The following PTPRT variants were observed in gnomAD, a reference collection of about 807,000 sequenced individuals.
PTPRT encodes protein tyrosine phosphatase receptor type T.
PTPRT carries 56 observed loss-of-function variants against 176.8 expected under a neutral mutation model. That is an observed-to-expected ratio of 0.32 (90% confidence interval 0.26 to 0.40). The LOEUF (loss-of-function observed/expected upper bound fraction) is 0.40. PTPRT is among the 10% of genes least tolerant of loss of function. The pLI is 1.00. For missense variants in PTPRT, 1,540 were observed against 1,908.2 expected, an observed-to-expected ratio of 0.81 and a Z score of 3.60; for synonymous variants, 783 against 739.0, an observed-to-expected ratio of 1.06 and a Z score of -0.96.
At chr20:42,382,524 A>G (rs779983809) in intron 9 of PTPRT, among the ~76,000 whole-genome samples, 16 of 152,158 alleles carry the variant, frequency 1.1e-4, no homozygotes, top group Non-Finnish European at 1.8e-4. Context: ...ACTGAGACAT[A>G]AGGGATGAAT....
chr20:42,596,507 AC>A (rs2073673653), intron 7 of PTPRT, among the ~76,000 whole-genome samples: 1 of 152,198 alleles, frequency 6.6e-6, no homozygotes, highest in African/African-American at 2.4e-5. Flanking sequence ...CTCACCAAAT[AC>A]CATAAACAAT....
intron 23 of PTPRT, among the ~76,000 whole-genome samples, chr20:42,108,401 T>A (rs1986681235): frequency 1.3e-5 from 2 of 151,332 alleles, no homozygotes; most frequent in Non-Finnish European, 2.9e-5. Flanking sequence ...TAAAATGATG[T>A]TGATAATAAT....
At position 42,976,434 on chromosome 20, in the gene PTPRT, C is replaced by A. The variant is rs1600614018; in HGVS notation, c.89-90502G>T. ...TTTTTTTTTTTTATTGAGACAGAGTCTCGCTCTGTCGCCCAGGCTCAAGTG... is the reference window on the plus strand; with the variant it reads ...TTTTTTTTTTTTATTGAGACAGAGTATCGCTCTGTCGCCCAGGCTCAAGTG... On this transcript the variant is annotated intron_variant, in intron 1 of 30. Coordinates refer to ENST00000373187, the MANE Select transcript of PTPRT (RefSeq NM_007050.6). Among the ~76,000 whole-genome samples the A allele has an allele frequency of 3.3e-5, 5 of 151,322 alleles. No homozygotes were observed. The Middle Eastern group carries it at 0.017, about 518-fold the overall frequency.
rs1052096658 is a variant in PTPRT, at chr20:42,212,309, A to G, written c.2343-12921T>C. ...CCCTAAAACTTAAAGTATAAAAAAA[A>G]AAAAAAGACAAAAAAAAAAAAAGAG... is the stretch of plus-strand genomic sequence containing the variant. On this transcript the variant is annotated intron_variant, in intron 15 of 30. Coordinates refer to ENST00000373187, the MANE Select transcript of PTPRT (RefSeq NM_007050.6). Among the ~76,000 whole-genome samples the G allele has an allele frequency of 3.3e-5, 3 of 91,138 alleles. No homozygotes were observed. The South Asian group carries it at 1.5e-3, about 46-fold the overall frequency. The allele number at this position is 91,138 out of a possible 152,430, so 59.8% of individuals were successfully genotyped here. A position where few individuals can be genotyped will look rare whatever the true frequency, so the allele number is the denominator to read the frequency against.
intron 12 of PTPRT, among the ~76,000 whole-genome samples, chr20:42,295,893 C>T (rs1267858842): frequency 6.6e-6 from 1 of 152,178 alleles, no homozygotes; most frequent in African/African-American, 2.4e-5. Flanking sequence ...TCCTTTGCTT[C>T]GCACGTCTCT....
intron 7 of PTPRT, among the ~76,000 whole-genome samples, chr20:42,488,142 G>C (rs1160104401): frequency 1.3e-5 from 2 of 152,042 alleles, no homozygotes; most frequent in African/African-American, 2.4e-5. Flanking sequence ...TTATCAATCT[G>C]CTCCCCACTG....
At chr20:42,352,757 G>A (rs913365893) in intron 9 of PTPRT, among the ~76,000 whole-genome samples, 1 of 152,154 alleles carries the variant, frequency 6.6e-6, no homozygotes, top group African/African-American at 2.4e-5. Flanking sequence ...AATTGCTTGA[G>A]GGGATGGACA....
At chr20:42,888,385 T>G (rs1023463065) in intron 1 of PTPRT, among the ~76,000 whole-genome samples, 5 of 152,212 alleles carry the variant, frequency 3.3e-5, no homozygotes, top group Non-Finnish European at 1.5e-5. Flanking sequence ...TCCCAAGCAT[T>G]TGCTCTGTGT....
At chr20:42,710,700 C>T (rs577872617) in intron 6 of PTPRT, among the ~76,000 whole-genome samples, 4 of 152,376 alleles carry the variant, frequency 2.6e-5, no homozygotes, top group East Asian at 1.9e-4. Context: ...AAAGATTCCC[C>T]ACCAGGGTAC....
intron 6 of PTPRT, among the ~76,000 whole-genome samples, chr20:42,704,090 C>T (rs956111156): frequency 3.9e-5 from 6 of 152,074 alleles, no homozygotes; most frequent in Non-Finnish European, 8.8e-5. Flanking sequence ...TCGCAAAATA[C>T]CATGTATCTT....
intron 12 of PTPRT, among the ~76,000 whole-genome samples, chr20:42,287,300 C>T (rs1445818535): frequency 1.3e-5 from 2 of 151,902 alleles, no homozygotes; most frequent in African/African-American, 2.4e-5. Context: ...TATTGCAACA[C>T]TATTCACAAT....
chr20:42,110,619 G>A (rs1986924550), intron 22 of PTPRT, 132 bp from the exon 23 acceptor site: 3 of 917,704 alleles, frequency 3.3e-6, no homozygotes, highest in Non-Finnish European at 4.7e-6. Flanking sequence ...TTGTTAATAG[G>A]TGTTACTGGA....
the PTPRT span, among the ~76,000 whole-genome samples, chr20:42,046,543 G>T: frequency 6.6e-6 from 1 of 152,154 alleles, no homozygotes; most frequent in Non-Finnish European, 1.5e-5. Flanking sequence ...CTCTGGCAGG[G>T]ATGCTGACAG....
At chr20:43,071,833 T>C (rs960711348) in intron 1 of PTPRT, among the ~76,000 whole-genome samples, 1 of 152,228 alleles carries the variant, frequency 6.6e-6, no homozygotes, top group Non-Finnish European at 1.5e-5. Flanking sequence ...CAAAAGAATC[T>C]GCTCTGTCCA....
chr20:42,260,527 T>C (rs763261475), intron 13 of PTPRT, among the ~76,000 whole-genome samples: 1 of 152,184 alleles, frequency 6.6e-6, no homozygotes, highest in Non-Finnish European at 1.5e-5. Flanking sequence ...TTAGAGTTCT[T>C]CAGGCAGCCA....
rs1982491752 is a variant in PTPRT at position 42,073,564 on chromosome 20, G to C, written c.*7315C>G. On this transcript the variant is annotated 3_prime_UTR_variant, in exon 31 of 31. Transcript: ENST00000373187. ...TCTGGCTGTCACTCATGGCCCTGTT[G>C]GTCAGTGGGTCTGAGTTATGGCTGC... 4.6e-6 allele frequency: 1 copy of C among 218,278 alleles called. No homozygotes were observed. The highest frequency in any genetic ancestry group is 6.8e-5 in the East Asian group (1 of 14,772). 13.5% of individuals were successfully genotyped at this position (218,278 alleles called of 1,614,324 possible).
chr20:42,056,267 G>T, the PTPRT span, among the ~76,000 whole-genome samples: 1 of 152,194 alleles, frequency 6.6e-6, no homozygotes, highest in African/African-American at 2.4e-5. Context: ...TATTCAAATA[G>T]CCTCTAATGA....
chr20:42,271,456 C>T (rs887993344), intron 13 of PTPRT, among the ~76,000 whole-genome samples: 5 of 152,174 alleles, frequency 3.3e-5, no homozygotes, highest in African/African-American at 1.2e-4. Flanking sequence ...CTTCTTATTG[C>T]AATATATCAC....
intron 7 of PTPRT, among the ~76,000 whole-genome samples, chr20:42,530,316 C>T (rs118154260): frequency 0.02 from 3,070 of 152,264 alleles, 48 homozygotes; most frequent in Middle Eastern, 0.044. Flanking sequence ...AGTCACCCAG[C>T]GATTCATTGC....
Sources: gnomAD v4.1 joint callset for allele counts (sites outside exome capture counted in the v4.1 genomes callset) on GRCh38, gnomAD v4.1.1 for gene constraint, MANE v1.5 for transcripts, NCBI Gene and HGNC (gene_info 2026-07-23, HGNC 2026-07-21) for gene names.